CTNNA3: variants seen among roughly 807,000 people sequenced by gnomAD.
CTNNA3 encodes catenin alpha-3.
A neutral mutation model predicts 95.7 loss-of-function variants in CTNNA3; 76 were observed. That is an observed-to-expected ratio of 0.79 (90% CI 0.66 to 0.96). CTNNA3 has a LOEUF of 0.96. Ranked by LOEUF, CTNNA3 falls within the 40% of genes least tolerant of loss-of-function variation. The pLI is 0.00. For synonymous variants in CTNNA3, 431 were observed against 374.4 expected (o/e 1.15, Z -1.74); for missense variants, 1,191 against 1,089.8 (o/e 1.09, Z -1.31).
Position 67,539,614 on chromosome 10 carries a change from T to A in CTNNA3, c.348A>T (p.Pro116=). 1 of 1,613,794 alleles carries A rather than the reference T, an allele frequency of 6.2e-7. No individual in the cohort carries two copies. Among genetic ancestry groups the A allele is most frequent in the East Asian group, 2.2e-5 (1 of 44,872 alleles). ...ERFTDDPCFL[P]KREAVVQAAR... is the part of the protein sequence containing the mutation. Reference sequence around the variant, plus strand: ...CAGCTTGAACCACAGCCTCCCTTTTTGGGAGAAAACAGGGGTCATCTGTAA... The same window carrying A: ...CAGCTTGAACCACAGCCTCCCTTTTAGGGAGAAAACAGGGGTCATCTGTAA... Residue 116 remains proline (P), a synonymous_variant, in exon 4 of 18, where the codon CCA becomes CCT. Transcript: ENST00000433211.
intron 5 of CTNNA3, among the ~76,000 whole-genome samples, chr10:67,517,712 G>A (rs538925465): frequency 1.3e-5 from 2 of 152,228 alleles, no homozygotes; most frequent in South Asian, 4.1e-4. Flanking sequence ...TGCCCATCAA[G>A]AGATATCACC....
intron 7 of CTNNA3, among the ~76,000 whole-genome samples, chr10:67,113,750 A>G (rs1430706921): frequency 6.6e-6 from 1 of 152,182 alleles, no homozygotes; most frequent in Non-Finnish European, 1.5e-5. Context: ...ATGTTTGGAT[A>G]TAATTATCAT....
At chr10:66,535,248 T>C (rs560109734) in intron 10 of CTNNA3, among the ~76,000 whole-genome samples, 17 of 152,278 alleles carry the variant, frequency 1.1e-4, no homozygotes, top group Admixed American at 9.8e-4. Flanking sequence ...TAATATACAC[T>C]GGAAAAGAGC....
At chr10:66,674,033 T>G (rs953223362) in intron 9 of CTNNA3, among the ~76,000 whole-genome samples, 7 of 151,736 alleles carry the variant, frequency 4.6e-5, no homozygotes, top group Non-Finnish European at 7.4e-5. Context: ...TTTTTTTTGG[T>G]CTGAAGCCTC....
At chr10:66,008,859 T>C (rs1435597236) in intron 15 of CTNNA3, among the ~76,000 whole-genome samples, 1 of 152,130 alleles carries the variant, frequency 6.6e-6, no homozygotes, top group Non-Finnish European at 1.5e-5. Context: ...CCCAGCACTT[T>C]GTCAGGCTGA....
chr10:66,116,846 G>A (rs2082361823), intron 13 of CTNNA3, among the ~76,000 whole-genome samples: 1 of 152,036 alleles, frequency 6.6e-6, no homozygotes. Context: ...AGGGGGAAGC[G>A]CTGCACACTT....
Position 66,022,583 on chromosome 10 carries a change from C to T in CTNNA3, c.2160-33786G>A, listed in dbSNP as rs577343034. Among the ~76,000 whole-genome samples, 2 of 150,632 alleles carry T rather than the reference C, an allele frequency of 1.3e-5. 1 individual carries two copies. Among genetic ancestry groups the T allele is most frequent in the African/African-American group, 4.9e-5 (2 of 40,828 alleles). On this transcript the variant is annotated intron_variant, in intron 15 of 17. Coordinates refer to ENST00000433211, the MANE Select transcript of CTNNA3 (RefSeq NM_013266.4). ...ACTTGCTTTACCAGTAGCATGACAC[C>T]CAGGATATGCACATGACACACACAC...
chr10:66,470,704 G>C (rs1465431908), intron 11 of CTNNA3, among the ~76,000 whole-genome samples: 2 of 151,808 alleles, frequency 1.3e-5, no homozygotes, highest in Non-Finnish European at 2.9e-5. Context: ...AGAAAGCCAA[G>C]AGAGCCTATT....
At chr10:66,445,127 C>A (rs943087433) in intron 11 of CTNNA3, among the ~76,000 whole-genome samples, 2 of 152,016 alleles carry the variant, frequency 1.3e-5, no homozygotes, top group South Asian at 4.2e-4. Context: ...GCTAACTATC[C>A]TAAATATACA....
chr10:66,745,042 T>C (rs1035619572), intron 9 of CTNNA3, among the ~76,000 whole-genome samples: 2 of 152,206 alleles, frequency 1.3e-5, no homozygotes, highest in African/African-American at 2.4e-5. Flanking sequence ...CATTATTTTA[T>C]ATGGATTGGC....
At chr10:67,700,159 G>T (rs1485981465), upstream of CTNNA3, among the ~76,000 whole-genome samples, 1 of 152,244 alleles carries the variant, frequency 6.6e-6, no homozygotes, top group African/African-American at 2.4e-5. Context: ...GCTCAAGGAG[G>T]CCTGCCTGCC....
rs1443984320 is a variant in CTNNA3 at position 66,927,933 on chromosome 10, C to T, written c.1048-152409G>A. The stretch of plus-strand genomic sequence containing the variant: ...AAGGTCTAAGGGAGAATACAATTAT[C>T]TGTGCCAGTCCCAAAGAGCTGCAAG... On this transcript the variant is annotated intron_variant, in intron 7 of 17. Coordinates refer to ENST00000433211, the MANE Select transcript of CTNNA3 (RefSeq NM_013266.4). This position sits in a 1 kb window ranked among gnomAD's most constrained non-coding sequence, Gnocchi z 4.7. 2.5e-6 allele frequency: 4 copies of T among 1,614,228 alleles called. No individual in the cohort carries two copies. Among genetic ancestry groups the T allele is most frequent in the Non-Finnish European group, 3.4e-6 (4 of 1,180,050 alleles).
intron 12 of CTNNA3, among the ~76,000 whole-genome samples, chr10:66,367,701 TGGGGTC>T (rs2092720021): frequency 6.7e-6 from 1 of 149,272 alleles, no homozygotes; most frequent in Admixed American, 6.7e-5. Flanking sequence ...TTTAAAATTT[TGGGGTC>T]ATATAGTTAG....
chr10:67,038,165 T>A (rs992417366), intron 7 of CTNNA3, among the ~76,000 whole-genome samples: 1 of 152,144 alleles, frequency 6.6e-6, no homozygotes, highest in African/African-American at 2.4e-5. Context: ...TTATAAAGAT[T>A]ATCTGAAATT....
At chr10:66,789,443 G>A (rs985648560) in intron 7 of CTNNA3, among the ~76,000 whole-genome samples, 3 of 152,124 alleles carry the variant, frequency 2.0e-5, no homozygotes, top group Non-Finnish European at 2.9e-5. Flanking sequence ...CCAAAGTGCT[G>A]GGATTACAGG....
chr10:66,230,957 G>T (rs2089556610), intron 13 of CTNNA3, among the ~76,000 whole-genome samples: 1 of 152,162 alleles, frequency 6.6e-6, no homozygotes, highest in Non-Finnish European at 1.5e-5. Flanking sequence ...AAGCCCCAGG[G>T]ATATGGAGGT....
At chr10:67,416,227 A>G (rs1196276236) in intron 5 of CTNNA3, among the ~76,000 whole-genome samples, 1 of 152,164 alleles carries the variant, frequency 6.6e-6, no homozygotes, top group Admixed American at 6.5e-5. Context: ...ATGATACAAG[A>G]TATTTGCAAA....
chr10:67,064,020 G>A lies in CTNNA3; in HGVS notation c.1047+116297C>T, dbSNP rs376767942. 3.9e-4 allele frequency among the ~76,000 whole-genome samples: 60 copies of A among 152,266 alleles called. 2 individuals are homozygous for A. In the South Asian group the frequency reaches 0.012, roughly 30 times the overall value. Reference sequence around the variant, plus strand: ...TTTAGAGTCATCTCCCTCTATGCACGTGTGCTTTGGCAAAATCAGGTACAA... The same window carrying A: ...TTTAGAGTCATCTCCCTCTATGCACATGTGCTTTGGCAAAATCAGGTACAA... On this transcript the variant is annotated intron_variant, in intron 7 of 17. Transcript: ENST00000433211.
chr10:67,750,606 A>G (rs1841401781), intron 1 of CTNNA3: 1 of 1,555,352 alleles, frequency 6.4e-7, no homozygotes, highest in South Asian at 1.1e-5. Flanking sequence ...CTGGATGTCT[A>G]TCTTATTCAC....
Sources: allele counts gnomAD v4.1 joint callset (sites outside exome capture counted in the v4.1 genomes callset), GRCh38; gene constraint gnomAD v4.1.1; non-coding constraint Gnocchi (gnomAD v3.1); transcripts MANE v1.5; gene names NCBI Gene and HGNC (gene_info 2026-07-23, HGNC 2026-07-21).